Variants in LSAMP observed in about 807,000 individuals in gnomAD.
The protein encoded by LSAMP is limbic system associated membrane protein.
Under a neutral mutation model 38.6 loss-of-function variants are expected in LSAMP, and 7 were observed. That is an observed-to-expected ratio of 0.18 (90% CI 0.10 to 0.34). The LOEUF (loss-of-function observed/expected upper bound fraction) is 0.34, where lower values mean the gene tolerates loss of function less well. Among genes scored for constraint, LSAMP ranks in the 10% least tolerant of loss-of-function variants. The pLI is 1.00. For synonymous variants in LSAMP, 154 were observed against 166.8 expected, an observed-to-expected ratio of 0.92 and a Z score of 0.59; for missense variants, 313 against 420.0, an observed-to-expected ratio of 0.75 and a Z score of 2.23.
intron 1 of LSAMP, among the ~76,000 whole-genome samples, chr3:116,105,184 A>AT (rs71986835): frequency 6.6e-6 from 1 of 151,916 alleles, no homozygotes; most frequent in Non-Finnish European, 1.5e-5. Flanking sequence ...GGGGAAAAAA[A>AT]AAAAAACTGC....
At chr3:116,117,569 A>G (rs975264585) in intron 1 of LSAMP, among the ~76,000 whole-genome samples, 1 of 152,132 alleles carries the variant, frequency 6.6e-6, no homozygotes, top group African/African-American at 2.4e-5. Context: ...CCAGGACCCC[A>G]TCCAGTGTGC....
At chr3:116,296,619 C>T (rs1162912473) in intron 1 of LSAMP, among the ~76,000 whole-genome samples, 3 of 148,366 alleles carry the variant, frequency 2.0e-5, no homozygotes, top group South Asian at 2.2e-4. Flanking sequence ...GGCGTTAACC[C>T]GGGAGGCAGA....
Position 116,133,783 on chromosome 3 carries a change from A to C in LSAMP, c.156-47227T>G, listed in dbSNP as rs9825656. On this transcript the variant is annotated intron_variant, in intron 1 of 6. Coordinates refer to ENST00000490035, the MANE Select transcript of LSAMP (RefSeq NM_002338.5). ...CTTAATAGCATTTTTGAATGAACTA[A>C]ATGATATCATTTAAATAAATCCAGA... is the stretch of plus-strand genomic sequence containing the variant. 9.4e-3 allele frequency among the ~76,000 whole-genome samples: 1,428 copies of C among 152,310 alleles called. 20 individuals are homozygous for C. The highest frequency in any genetic ancestry group is 0.031 in the African/African-American group (1,295 of 41,560).
chr3:116,298,135 C>T (rs879413561), intron 1 of LSAMP, among the ~76,000 whole-genome samples: 6 of 152,260 alleles, frequency 3.9e-5, no homozygotes, highest in African/African-American at 1.4e-4. Context: ...TCTAGCTATC[C>T]ATTGTGCTTT....
chr3:116,105,902 G>A (rs1708455490), intron 1 of LSAMP, among the ~76,000 whole-genome samples: 1 of 152,118 alleles, frequency 6.6e-6, no homozygotes, highest in East Asian at 1.9e-4. Context: ...TGTTTCTCAG[G>A]GCTGTTTCAA....
intron 3 of LSAMP, among the ~76,000 whole-genome samples, chr3:115,885,821 T>C (rs1194234070): frequency 6.6e-6 from 1 of 151,702 alleles, no homozygotes; most frequent in East Asian, 1.9e-4. Context: ...CACGGACAGC[T>C]CTCTTAAGGC....
At chr3:116,154,605 C>T (rs1709696605) in intron 1 of LSAMP, among the ~76,000 whole-genome samples, 1 of 152,026 alleles carries the variant, frequency 6.6e-6, no homozygotes, top group Non-Finnish European at 1.5e-5. Flanking sequence ...AAAGGCATGC[C>T]CTCCCTCCCA....
intron 3 of LSAMP, among the ~76,000 whole-genome samples, chr3:116,017,589 G>A (rs1053556308): frequency 1.3e-5 from 2 of 151,930 alleles, no homozygotes; most frequent in Non-Finnish European, 2.9e-5. Context: ...TGTAATTTAT[G>A]TATAATAATT....
intron 3 of LSAMP, among the ~76,000 whole-genome samples, chr3:115,987,895 C>T (rs1041837679): frequency 6.6e-6 from 1 of 152,156 alleles, no homozygotes; most frequent in Non-Finnish European, 1.5e-5. Flanking sequence ...GTTCTTCAAA[C>T]TCTTCAAATT....
rs143048364 is a variant in LSAMP, at chr3:116,070,721, C to A, written c.388+15603G>T. 5.1e-3 allele frequency among the ~76,000 whole-genome samples: 772 copies of A among 152,252 alleles called. 2 individuals carry two copies. Among genetic ancestry groups the A allele is most frequent in the African/African-American group, 0.018 (736 of 41,540 alleles). On this transcript the variant is annotated intron_variant, in intron 2 of 6. Transcript: ENST00000490035. ...GACTTGTGTGTGACTGTGCAGGCAG[C>A]ATTATCTTTATGATATCTCTTTTAA... is the stretch of plus-strand genomic sequence containing the variant.
chr3:115,988,147 A>G (rs1939565969), intron 3 of LSAMP, among the ~76,000 whole-genome samples: 1 of 152,172 alleles, frequency 6.6e-6, no homozygotes. Flanking sequence ...AAACTACTCC[A>G]TTGAGTAACT....
At chr3:115,895,753 G>C (rs543075114) in intron 3 of LSAMP, among the ~76,000 whole-genome samples, 35 of 152,058 alleles carry the variant, frequency 2.3e-4, no homozygotes, top group Admixed American at 9.8e-4. Context: ...TATTTATCCA[G>C]GGCTCCTTGG....
At chr3:115,937,799 CCAGCTAAATGATATTGGCTAATCCTGTAT>C (rs1345362033) in intron 3 of LSAMP, among the ~76,000 whole-genome samples, 9 of 2,260 alleles carry the variant, frequency 4.0e-3, no homozygotes, top group Non-Finnish European at 0.014. Flanking sequence ...TCCTGTATGG[CCAGCTAAATGATATTGGCTAATCCTGTAT>C]GGCCAGCTAC....
chr3:115,907,953 A>G (rs1375811677), intron 3 of LSAMP, among the ~76,000 whole-genome samples: 1 of 152,082 alleles, frequency 6.6e-6, no homozygotes, highest in African/African-American at 2.4e-5. Flanking sequence ...ATCTCATGTC[A>G]CAGATGACTT....
At chr3:116,133,776 T>A (rs1018500054) in intron 1 of LSAMP, among the ~76,000 whole-genome samples, 6 of 152,226 alleles carry the variant, frequency 3.9e-5, no homozygotes. Flanking sequence ...CATTTTTGAA[T>A]GAACTAAATG....
chr3:116,188,196 T>C (rs1355417787), intron 1 of LSAMP, among the ~76,000 whole-genome samples: 1 of 152,166 alleles, frequency 6.6e-6, no homozygotes, highest in Admixed American at 6.5e-5. Flanking sequence ...GTGGGAGTTC[T>C]TTGCCTCACT....
intron 1 of LSAMP, among the ~76,000 whole-genome samples, chr3:116,255,627 A>G (rs954646583): frequency 2.0e-5 from 3 of 152,212 alleles, no homozygotes; most frequent in African/African-American, 7.2e-5. Flanking sequence ...CTTTGGTAGC[A>G]CATTATCACA....
intron 1 of LSAMP, among the ~76,000 whole-genome samples, chr3:116,260,861 C>T (rs2046817273): frequency 6.6e-6 from 1 of 152,144 alleles, no homozygotes. Flanking sequence ...GAGATTTAGA[C>T]TTCAGCTAAG....
chr3:115,846,791 TA>T (rs1935174297), intron 4 of LSAMP, among the ~76,000 whole-genome samples: 2 of 152,240 alleles, frequency 1.3e-5, no homozygotes, highest in South Asian at 4.1e-4. Flanking sequence ...AGCATGCTGG[TA>T]GATGGAAAGG....
Sources: allele counts gnomAD v4.1 joint callset (sites outside exome capture counted in the v4.1 genomes callset), GRCh38; gene constraint gnomAD v4.1.1; transcripts MANE v1.5; gene names NCBI Gene and HGNC (gene_info 2026-07-23, HGNC 2026-07-21).